The following GALNT13 variants were observed in gnomAD, a reference collection of about 807,000 sequenced individuals.
The protein encoded by GALNT13 is polypeptide N-acetylgalactosaminyltransferase 13, also known as UDP-GalNAc:polypeptide N-acetylgalactosaminyltransferase 13.
Under a neutral mutation model 64.2 loss-of-function variants are expected in GALNT13, and 28 were observed. That is an observed-to-expected ratio of 0.44 (90% CI 0.32 to 0.60). GALNT13 has a LOEUF of 0.60. Among genes scored for constraint, GALNT13 ranks in the 20% least tolerant of loss-of-function variants. GALNT13 has a pLI of 0.05. For missense variants in GALNT13, 577 were observed against 669.8 expected, an observed-to-expected ratio of 0.86 and a Z score of 1.53; for synonymous variants, 214 against 224.6, an observed-to-expected ratio of 0.95 and a Z score of 0.42.
chr2:153,620,711 T>C, the GALNT13 span, among the ~76,000 whole-genome samples: 5 of 152,058 alleles, frequency 3.3e-5, no homozygotes, highest in African/African-American at 1.2e-4. Context: ...ACAACTATTT[T>C]AAATTCTATG....
chr2:153,191,485 G>A, the GALNT13 span, among the ~76,000 whole-genome samples: 3 of 152,108 alleles, frequency 2.0e-5, no homozygotes, highest in South Asian at 4.1e-4. Flanking sequence ...TTTGTCAAGG[G>A]CTTTTACATC....
chr2:153,674,881 G>A, the GALNT13 span, among the ~76,000 whole-genome samples: 1 of 152,094 alleles, frequency 6.6e-6, no homozygotes, highest in Admixed American at 6.6e-5. Context: ...GAAAAATTGA[G>A]CGAAGGATAT....
chr2:154,227,699 A>T (rs1301263361), intron 4 of GALNT13, among the ~76,000 whole-genome samples: 1 of 148,672 alleles, frequency 6.7e-6, no homozygotes, highest in Non-Finnish European at 1.5e-5. Flanking sequence ...CAGGGTGTTT[A>T]TGTGTACCTG....
chr2:153,913,088 G>A (rs1379336978), intron 2 of GALNT13, among the ~76,000 whole-genome samples: 1 of 152,154 alleles, frequency 6.6e-6, no homozygotes, highest in Non-Finnish European at 1.5e-5. Flanking sequence ...GGGGGTGCTG[G>A]TGGGCGCAGG....
At chr2:154,421,768 A>G (rs890869579) in intron 11 of GALNT13, among the ~76,000 whole-genome samples, 2 of 152,090 alleles carry the variant, frequency 1.3e-5, no homozygotes, top group Non-Finnish European at 2.9e-5. Context: ...TAATTACATC[A>G]TATATAATTA....
At position 153,961,690 on chromosome 2, in the gene GALNT13, A is replaced by G. The variant is rs371019051; in HGVS notation, c.142+17051A>G. 3.5e-4 allele frequency among the ~76,000 whole-genome samples: 54 copies of G among 152,320 alleles called. 1 individual carries two copies. In the South Asian group the frequency reaches 0.011, roughly 32 times the overall value. On this transcript the variant is annotated intron_variant, in intron 3 of 12. Coordinates refer to ENST00000392825, the MANE Select transcript of GALNT13 (RefSeq NM_052917.4). Reference sequence around the variant, plus strand: ...TCTTTAAAAAATGGAAATAAAAGCTATAGAAAACAAAATTTACAAGCTTGA... The same window carrying G: ...TCTTTAAAAAATGGAAATAAAAGCTGTAGAAAACAAAATTTACAAGCTTGA...
chr2:154,229,872 A>T (rs573917039), intron 4 of GALNT13, among the ~76,000 whole-genome samples: 1 of 152,122 alleles, frequency 6.6e-6, no homozygotes, highest in Non-Finnish European at 1.5e-5. Context: ...AAGCCTTTAG[A>T]CTTTATCATT....
intron 3 of GALNT13, among the ~76,000 whole-genome samples, chr2:154,051,585 C>G (rs936977585): frequency 6.6e-6 from 1 of 152,066 alleles, no homozygotes; most frequent in Non-Finnish European, 1.5e-5. Context: ...CCACCGCGCC[C>G]GGCCATCTTA....
the GALNT13 span, among the ~76,000 whole-genome samples, chr2:153,089,604 CA>C: frequency 3.2e-4 from 48 of 152,018 alleles, no homozygotes; most frequent in African/African-American, 9.4e-4. Flanking sequence ...TCCTCAGGAA[CA>C]CCAATTATTC....
the GALNT13 span, among the ~76,000 whole-genome samples, chr2:153,684,069 A>AATAT: frequency 3.2e-3 from 470 of 148,444 alleles, no homozygotes; most frequent in Admixed American, 5.7e-3. Context: ...TCTTCATAAT[A>AATAT]ATATATATAT....
chr2:154,346,520 C>A (rs1158663599), intron 9 of GALNT13, among the ~76,000 whole-genome samples: 4 of 152,050 alleles, frequency 2.6e-5, no homozygotes. Context: ...GAATAAGTCT[C>A]ACGAGATCTG....
the GALNT13 span, among the ~76,000 whole-genome samples, chr2:153,728,380 A>G: frequency 3.9e-5 from 6 of 152,258 alleles, no homozygotes; most frequent in South Asian, 1.0e-3. Flanking sequence ...AAGTGTTCCT[A>G]TTTCTCAACA....
chr2:153,327,896 G>C, the GALNT13 span, among the ~76,000 whole-genome samples: 2 of 152,062 alleles, frequency 1.3e-5, no homozygotes, highest in Admixed American at 1.3e-4. Context: ...GAAATTTTCA[G>C]CCTTTTTGCA....
At chr2:153,256,439 G>A in the GALNT13 span, among the ~76,000 whole-genome samples, 2 of 152,020 alleles carry the variant, frequency 1.3e-5, no homozygotes, top group Non-Finnish European at 2.9e-5. Context: ...GGAGTAATTT[G>A]ATCATCTGAA....
At chr2:154,447,617 T>C (rs1701659235) in intron 12 of GALNT13, among the ~76,000 whole-genome samples, 1 of 151,978 alleles carries the variant, frequency 6.6e-6, no homozygotes, top group South Asian at 2.1e-4. Flanking sequence ...CTGGTTCAGA[T>C]GAACCACTTA....
chr2:154,167,746 G>T (rs1685114474), intron 4 of GALNT13, among the ~76,000 whole-genome samples: 1 of 152,110 alleles, frequency 6.6e-6, no homozygotes, highest in Non-Finnish European at 1.5e-5. Context: ...CATGGCATCA[G>T]AGCCCAAGCA....
the GALNT13 span, among the ~76,000 whole-genome samples, chr2:153,211,818 A>G: frequency 6.6e-6 from 1 of 152,240 alleles, no homozygotes; most frequent in Non-Finnish European, 1.5e-5. Flanking sequence ...GGAAACACTA[A>G]GAGTCCAACA....
chr2:153,389,379 A>G, the GALNT13 span, among the ~76,000 whole-genome samples: 1 of 152,060 alleles, frequency 6.6e-6, no homozygotes, highest in Non-Finnish European at 1.5e-5. Flanking sequence ...CCAGCAGGGA[A>G]GTGGAGCTGG....
At chr2:154,216,595 G>A (rs1361804199) in intron 4 of GALNT13, among the ~76,000 whole-genome samples, 1 of 151,984 alleles carries the variant, frequency 6.6e-6, no homozygotes, top group African/African-American at 2.4e-5. Flanking sequence ...ATTAAATCAA[G>A]ATGGTCTAAA....
Sources: gnomAD v4.1 joint callset for allele counts (sites outside exome capture counted in the v4.1 genomes callset) on GRCh38, gnomAD v4.1.1 for gene constraint, MANE v1.5 for transcripts, NCBI Gene and HGNC (gene_info 2026-07-23, HGNC 2026-07-21) for gene names.